Variants in RAB3IP observed in about 807,000 individuals in gnomAD.
RAB3IP encodes the protein RAB3A interacting protein.
RAB3IP carries 36 observed loss-of-function variants against 59.1 expected under a neutral mutation model. The observed-to-expected ratio is 0.61, with a 90% CI of 0.47 to 0.80. The LOEUF (loss-of-function observed/expected upper bound fraction) is 0.80. Ranked by LOEUF, RAB3IP falls within the 30% of genes least tolerant of loss-of-function variation. RAB3IP has a pLI of 0.00. For missense variants in RAB3IP, 511 were observed against 536.0 expected (o/e 0.95, Z 0.46); for synonymous variants, 207 against 191.2 (o/e 1.08, Z -0.68).
At chr12:69,760,170 G>T (rs1274265822) in intron 3 of RAB3IP, among the ~76,000 whole-genome samples, 1 of 152,258 alleles carries the variant, frequency 6.6e-6, no homozygotes, top group Non-Finnish European at 1.5e-5. Context: ...TCACGGTTAG[G>T]AGCTGGAGAC....
At chr12:69,757,681 T>C (rs1411497826) in intron 3 of RAB3IP, among the ~76,000 whole-genome samples, 1 of 152,130 alleles carries the variant, frequency 6.6e-6, no homozygotes, top group Admixed American at 6.5e-5. Context: ...TTCCCTAGCA[T>C]ACTTGTCTCT....
chr12:69,797,695 C>T (rs988236432), intron 6 of RAB3IP, among the ~76,000 whole-genome samples: 5 of 151,182 alleles, frequency 3.3e-5, no homozygotes, highest in African/African-American at 9.7e-5. Flanking sequence ...CACAACAGTC[C>T]CCAGAGTGTG....
intron 10 of RAB3IP, among the ~76,000 whole-genome samples, chr12:69,813,989 GA>G (rs1349835949): frequency 2.0e-5 from 3 of 152,106 alleles, no homozygotes; most frequent in African/African-American, 7.2e-5. Flanking sequence ...TAAAACATTA[GA>G]GATAAAACCT....
At chr12:69,814,614 A>T (rs1880912464) in intron 10 of RAB3IP, among the ~76,000 whole-genome samples, 1 of 151,940 alleles carries the variant, frequency 6.6e-6, no homozygotes, top group South Asian at 2.1e-4. Flanking sequence ...TGGGACAGTG[A>T]AAAATGTTTC....
At chr12:69,798,284 G>A (rs1159741336) in intron 6 of RAB3IP, among the ~76,000 whole-genome samples, 1 of 152,132 alleles carries the variant, frequency 6.6e-6, no homozygotes, top group African/African-American at 2.4e-5. Context: ...GTGATGGTGA[G>A]CATTTTTTCA....
intron 3 of RAB3IP, among the ~76,000 whole-genome samples, chr12:69,772,533 G>C (rs892381446): frequency 6.6e-6 from 1 of 152,042 alleles, no homozygotes; most frequent in African/African-American, 2.4e-5. Flanking sequence ...CTAGTAATAT[G>C]TTTTGACACC....
chr12:69,804,677 G>A (rs1469469044), intron 8 of RAB3IP, among the ~76,000 whole-genome samples: 2 of 151,864 alleles, frequency 1.3e-5, no homozygotes, highest in South Asian at 2.1e-4. Flanking sequence ...TTTGTATAAG[G>A]TGTAAGGAAG....
intron 8 of RAB3IP, among the ~76,000 whole-genome samples, chr12:69,807,007 C>T (rs1197194936): frequency 6.6e-6 from 1 of 152,186 alleles, no homozygotes; most frequent in Admixed American, 6.5e-5. Context: ...ACAATCTGAT[C>T]TCTCTTTCTT....
In RAB3IP at chr12:69,755,584, A is replaced by G. The variant is rs377397273; in HGVS notation, c.176A>G (p.Asp59Gly). 1.9e-6 allele frequency: 3 copies of G among 1,613,830 alleles called. No individual in the cohort carries two copies. Among genetic ancestry groups the G allele is most frequent in the Non-Finnish European group, 2.5e-6 (3 of 1,179,964 alleles). Residue 59 changes from aspartate to glycine, a missense_variant, in exon 2 of 11, where the codon GAT (aspartate) becomes GGT (glycine). Transcript: ENST00000247833. Reference sequence around the variant, plus strand: ...GTACCTATCCAGGCAAATGCATTAGATGTTTCTGAACTTCCTACACAACCC... The same window carrying G: ...GTACCTATCCAGGCAAATGCATTAGGTGTTTCTGAACTTCCTACACAACCC... ...SSVPIQANAL[D>G]VSELPTQPVY...
intron 3 of RAB3IP, among the ~76,000 whole-genome samples, chr12:69,764,410 C>T (rs1003064200): frequency 6.6e-6 from 1 of 152,180 alleles, no homozygotes; most frequent in African/African-American, 2.4e-5. Flanking sequence ...GTCATTTCCT[C>T]ATTGCTTATT....
At chr12:69,788,237 G>A (rs1457541290) in intron 4 of RAB3IP, among the ~76,000 whole-genome samples, 9 of 151,774 alleles carry the variant, frequency 5.9e-5, no homozygotes, top group African/African-American at 1.2e-4. Context: ...AGATTTCATC[G>A]TGCAGAAATC....
At chr12:69,769,978 G>A (rs191836674) in intron 3 of RAB3IP, among the ~76,000 whole-genome samples, 2 of 152,170 alleles carry the variant, frequency 1.3e-5, no homozygotes, top group East Asian at 1.9e-4. Flanking sequence ...CTTAATTACC[G>A]AATTAAATAT....
rs755351441 is a variant in RAB3IP at position 69,756,612 on chromosome 12, T to G, written c.459T>G (p.Val153=). Residue 153 remains valine (V), a synonymous_variant, in exon 3 of 11, where the codon GTT becomes GTG. Coordinates refer to ENST00000247833, the MANE Select transcript of RAB3IP (RefSeq NM_022456.5). ...TACGAAGCCCATCTGTTTTGGAAGT[T>G]AGAGAAAAGGGCTATGAACGATTAA... ...SRLRSPSVLE[V]REKGYERLKE... 1 of 1,614,076 alleles carries G rather than the reference T, an allele frequency of 6.2e-7. No individual in the cohort carries two copies. The highest frequency in any genetic ancestry group is 8.5e-7 in the Non-Finnish European group (1 of 1,179,958).
At position 69,785,147 on chromosome 12, in the gene RAB3IP, A is replaced by G. The variant is rs542337855; in HGVS notation, c.606+332A>G. Reference sequence around the variant, plus strand: ...ATATGACTGTACAACTAAGAGGGCAAACTCTTTGAGATAGTCATCTTACAT... The same window carrying G: ...ATATGACTGTACAACTAAGAGGGCAGACTCTTTGAGATAGTCATCTTACAT... On this transcript the variant is annotated intron_variant, in intron 4 of 10. Transcript: ENST00000247833. 1.1e-4 allele frequency: 17 copies of G among 156,714 alleles called. No individual in the cohort carries two copies. In the East Asian group the frequency reaches 2.9e-3, roughly 27 times the overall value. The allele number at this position is 156,714 out of a possible 1,614,324, so 9.7% of individuals were successfully genotyped here. A position where few individuals can be genotyped will look rare whatever the true frequency, so the allele number is the denominator to read the frequency against.
At chr12:69,767,893 G>A (rs1872486263) in intron 3 of RAB3IP, among the ~76,000 whole-genome samples, 1 of 151,296 alleles carries the variant, frequency 6.6e-6, no homozygotes, top group Non-Finnish European at 1.5e-5. Flanking sequence ...AGTGTGAAGT[G>A]GAGAAGACCC....
rs1881829849 is a variant in RAB3IP, at chr12:69,822,274, C to T, written c.*6828C>T. 1 of 152,164 alleles carries T rather than the reference C, an allele frequency of 6.6e-6. No individual in the cohort carries two copies. Among genetic ancestry groups the T allele is most frequent in the South Asian group, 2.1e-4 (1 of 4,832 alleles). The allele number at this position is 152,164 out of a possible 1,614,324, so 9.4% of individuals were successfully genotyped here. A position where few individuals can be genotyped will look rare whatever the true frequency, so the allele number is the denominator to read the frequency against. ...CCATTGCTTTGTTTTACATCGCGTG[C>T]TTCAGGCTTTACTACAGCCTACCTG... On this transcript the variant is annotated 3_prime_UTR_variant, in exon 11 of 11. Transcript: ENST00000247833.
intron 1 of RAB3IP, among the ~76,000 whole-genome samples, chr12:69,744,523 G>C (rs987893788): frequency 6.6e-6 from 1 of 151,912 alleles, no homozygotes; most frequent in Non-Finnish European, 1.5e-5. Context: ...AGGAGTTCGA[G>C]ACAAGCCTGG....
At chr12:69,746,505 A>G (rs1029931244) in intron 1 of RAB3IP, among the ~76,000 whole-genome samples, 1 of 152,106 alleles carries the variant, frequency 6.6e-6, no homozygotes, top group Non-Finnish European at 1.5e-5. Flanking sequence ...CACAACCCTC[A>G]GAATAATCAT....
chr12:69,766,335 A>G (rs1369098191), intron 3 of RAB3IP, among the ~76,000 whole-genome samples: 1 of 152,122 alleles, frequency 6.6e-6, no homozygotes, highest in Non-Finnish European at 1.5e-5. Flanking sequence ...TTTCTCAACG[A>G]CTTTGTTCAT....
Sources: gnomAD v4.1 joint callset for allele counts (sites outside exome capture counted in the v4.1 genomes callset) on GRCh38, gnomAD v4.1.1 for gene constraint, MANE v1.5 for transcripts, NCBI Gene and HGNC (gene_info 2026-07-23, HGNC 2026-07-21) for gene names.